The following MYH10 variants were observed in gnomAD, a reference collection of about 807,000 sequenced individuals.
The protein encoded by MYH10 is myosin heavy chain 10.
MYH10 carries 55 observed loss-of-function variants against 257.8 expected under a neutral mutation model. The observed-to-expected ratio is 0.21, with a 90% confidence interval of 0.17 to 0.27. MYH10 has a LOEUF of 0.27. Among genes scored for constraint, MYH10 ranks in the 10% least tolerant of loss-of-function variants. The probability of loss-of-function intolerance (pLI) is 1.00; values close to 1 mark genes in which losing one functional copy is unlikely to be tolerated. For missense variants in MYH10, 1,631 were observed against 2,500.6 expected, an observed-to-expected ratio of 0.65 and a Z score of 7.42; for synonymous variants, 854 against 921.7, an observed-to-expected ratio of 0.93 and a Z score of 1.33.
At position 8,535,566 on chromosome 17, in the gene MYH10, C is replaced by T. The variant is rs2082119446; in HGVS notation, c.1780-65G>A. On this transcript the variant is annotated intron_variant, in intron 15 of 42. Coordinates refer to ENST00000360416, the MANE Select transcript of MYH10 (RefSeq NM_001256012.3). The surrounding 1 kb of genome is among the most constrained non-coding windows in gnomAD (Gnocchi z 4.3). ...ACAAAACCAAATGCAAAAACAAAAACACTTTAAGCCTCAACCAGAAACTTT... is the reference window on the plus strand; with the variant it reads ...ACAAAACCAAATGCAAAAACAAAAATACTTTAAGCCTCAACCAGAAACTTT... The T allele has an allele frequency of 7.0e-7, 1 of 1,432,490 alleles. No homozygotes were observed. Among genetic ancestry groups the T allele is most frequent in the Non-Finnish European group, 9.6e-7 (1 of 1,037,584 alleles). The allele number at this position is 1,432,490 out of a possible 1,614,324, so 88.7% of individuals were successfully genotyped here.
chr17:8,478,494 G>C (rs1913085565), intron 40 of MYH10, 48 bp from the exon 41 acceptor site: 1 of 1,564,140 alleles, frequency 6.4e-7, no homozygotes, highest in African/African-American at 1.4e-5. Flanking sequence ...ATGGTATTTT[G>C]TGTGGGAAAA....
intron 37 of MYH10, 44 bp from the exon 38 acceptor site, chr17:8,481,454 C>CCTCACCTG: frequency 6.3e-7 from 1 of 1,578,150 alleles, no homozygotes; most frequent in South Asian, 1.1e-5. Flanking sequence ...TGAATAGTTT[C>CCTCACCTG]CTCACCTGTG....
intron 16 of MYH10, among the ~76,000 whole-genome samples, chr17:8,531,732 T>G (rs920490260): frequency 6.6e-6 from 1 of 152,120 alleles, no homozygotes; most frequent in South Asian, 2.1e-4. Flanking sequence ...ACTGTAGGTG[T>G]TGCACCTTCA....
intron 2 of MYH10, among the ~76,000 whole-genome samples, chr17:8,608,903 C>T (rs1250809800): frequency 2.0e-5 from 3 of 152,192 alleles, no homozygotes; most frequent in South Asian, 2.1e-4. Flanking sequence ...CTCCGCCTCC[C>T]GGGCTGACGC....
intron 3 of MYH10, among the ~76,000 whole-genome samples, chr17:8,590,357 G>C (rs2084077408): frequency 6.6e-6 from 1 of 151,922 alleles, no homozygotes; most frequent in South Asian, 2.1e-4. Flanking sequence ...CTGTTGCCCA[G>C]GCTGGAGTGC....
At chr17:8,613,181 C>T (rs1419508641) in intron 2 of MYH10, among the ~76,000 whole-genome samples, 1 of 151,452 alleles carries the variant, frequency 6.6e-6, no homozygotes, top group African/African-American at 2.4e-5. Context: ...GATGCAATGG[C>T]ATTTTCACAA....
intron 3 of MYH10, among the ~76,000 whole-genome samples, chr17:8,602,046 G>A (rs427835): frequency 0.96 from 144,471 of 150,644 alleles, 69,563 homozygotes; most frequent in East Asian, 1. Context: ...CACGATCTCG[G>A]CTCACTGCAA....
chr17:8,538,528 C>G (rs1204917702), intron 14 of MYH10, among the ~76,000 whole-genome samples: 4 of 152,134 alleles, frequency 2.6e-5, no homozygotes, highest in Admixed American at 6.5e-5. Flanking sequence ...ATTTTTTAAT[C>G]AGATATTTCT....
chr17:8,577,500 C>A (rs967317851), intron 4 of MYH10, among the ~76,000 whole-genome samples, 162 bp from the exon 5 acceptor site: 7 of 152,024 alleles, frequency 4.6e-5, no homozygotes, highest in Non-Finnish European at 7.4e-5. Context: ...AGAAAATCAT[C>A]CTTGTAAGAG....
At position 8,585,122 on chromosome 17, in the gene MYH10, C is replaced by T. The variant is rs184837799; in HGVS notation, c.530+3959G>A. The stretch of plus-strand genomic sequence containing the variant: ...CCTCCCAAAGTGCTGGGATTACAGG[C>T]GTGAGCCATCATGCCTGGCCTGTAT... On this transcript the variant is annotated intron_variant, in intron 4 of 42. Coordinates refer to ENST00000360416, the MANE Select transcript of MYH10 (RefSeq NM_001256012.3). 2.8e-4 allele frequency among the ~76,000 whole-genome samples: 43 copies of T among 151,574 alleles called. No homozygotes were observed. The East Asian group carries it at 7.0e-3, about 25-fold the overall frequency.
At chr17:8,487,689 G>A in intron 35 of MYH10, 95 bp from the exon 36 acceptor site, 2 of 1,430,216 alleles carry the variant, frequency 1.4e-6, no homozygotes. Flanking sequence ...GGTTACTCGG[G>A]TGAGTGGAAA....
Position 8,535,481 on chromosome 17 carries a change from C to T in MYH10, c.1800G>A (p.Glu600=). The change falls in exon 16 of 43, where the codon GAG becomes GAA. Residue 600 remains glutamate, a synonymous_variant. Coordinates refer to ENST00000360416, the MANE Select transcript of MYH10 (RefSeq NM_001256012.3). The surrounding 1 kb of genome is among the most constrained non-coding windows in gnomAD (Gnocchi z 4.3). ...YAGKVDYKAD[E]WLMKNMDPLN... is the part of the protein sequence containing the mutation. Reference sequence around the variant, plus strand: ...GGGGGTCCATATTCTTCATCAGCCACTCATCTGCCTTATAGTCCACCTATC... The same window carrying T: ...GGGGGTCCATATTCTTCATCAGCCATTCATCTGCCTTATAGTCCACCTATC... 1 of 1,613,848 alleles carries T rather than the reference C, an allele frequency of 6.2e-7. No homozygotes were observed. Among genetic ancestry groups the T allele is most frequent in the Non-Finnish European group, 8.5e-7 (1 of 1,179,842 alleles).
At chr17:8,483,224 A>G (rs1282080340) in intron 37 of MYH10, among the ~76,000 whole-genome samples, 1 of 152,204 alleles carries the variant, frequency 6.6e-6, no homozygotes, top group Non-Finnish European at 1.5e-5. Flanking sequence ...CCGATCTTAG[A>G]GGGGAATTTA....
intron 4 of MYH10, among the ~76,000 whole-genome samples, chr17:8,587,061 C>G (rs978185926): frequency 6.6e-6 from 1 of 152,182 alleles, no homozygotes; most frequent in African/African-American, 2.4e-5. Flanking sequence ...TGCCCTCTTG[C>G]TGCTGTTGAA....
Position 8,545,520 on chromosome 17 carries a change from A to G in MYH10, c.1359T>C (p.Ala453=). 6.2e-7 allele frequency: 1 copy of G among 1,614,178 alleles called. No homozygotes were observed. Among genetic ancestry groups the G allele is most frequent in the East Asian group, 2.2e-5 (1 of 44,888 alleles). The stretch of plus-strand genomic sequence containing the variant: ...CTCCCTGACGTTTGGTCCTATCCAG[A>G]GCTTTATTGATGCGATGAACGAGCC... ...FRWLVHRINK[A]LDRTKRQGAS... Residue 453 remains alanine (A), a synonymous_variant, in exon 13 of 43, where the codon GCT becomes GCC. Coordinates refer to ENST00000360416, the MANE Select transcript of MYH10 (RefSeq NM_001256012.3). This position sits in a 1 kb window ranked among gnomAD's most constrained non-coding sequence, Gnocchi z 4.7.
chr17:8,585,206 A>ATG (rs71159598), intron 4 of MYH10, among the ~76,000 whole-genome samples: 6 of 47,440 alleles, frequency 1.3e-4, no homozygotes, highest in African/African-American at 3.2e-4. Flanking sequence ...ATATATATAT[A>ATG]TGTGTGTGTG....
chr17:8,490,541 A>C lies in MYH10; in HGVS notation c.4683T>G (p.Leu1561=), dbSNP rs775022843. Residue 1561 remains leucine (L), a synonymous_variant, in exon 35 of 43, where the codon CTT becomes CTG. Coordinates refer to ENST00000360416, the MANE Select transcript of MYH10 (RefSeq NM_001256012.3). The surrounding 1 kb of genome is among the most constrained non-coding windows in gnomAD (Gnocchi z 4.1). ...GCTCTAGGGCCCGTTTGGATTTTTC[A>C]AGTTCGTGAACCTAAACCACCGAAG... The part of the protein sequence containing the change: ...KDDVGKNVHE[L]EKSKRALEQQ... 1 of 1,614,080 alleles carries C rather than the reference A, an allele frequency of 6.2e-7. No individual in the cohort carries two copies. The highest frequency in any genetic ancestry group is 1.1e-5 in the South Asian group (1 of 91,080).
intron 17 of MYH10, among the ~76,000 whole-genome samples, chr17:8,528,225 G>T (rs570123850): frequency 1.5e-3 from 224 of 152,258 alleles, no homozygotes; most frequent in Non-Finnish European, 2.0e-3. Context: ...ATACATAATT[G>T]TACCTCCAAC....
At position 8,480,185 on chromosome 17, in the gene MYH10, G is replaced by C. The variant is rs1913457805; in HGVS notation, c.5522C>G (p.Ser1841Cys). ...KLQELEGAVKSKFKATISALE... is the reference protein window; with the variant it reads ...KLQELEGAVKCKFKATISALE... ...GGCTGAGATGGTGGCCTTGAACTTA[G>C]ACTTGACAGCACCCTCGAGTTCCTG... Residue 1841 changes from serine to cysteine, a missense_variant, in exon 40 of 43, where the codon TCT becomes TGT. Ser to Cys is a moderately radical substitution (Grantham distance 112, BLOSUM62 -1). Around this residue, in one of 11 missense-constraint regions of MYH10, gnomAD observed 343 missense variants for 389.5 expected, o/e 0.88. Transcript: ENST00000360416. 1 of 1,614,164 alleles carries C rather than the reference G, an allele frequency of 6.2e-7. No homozygotes were observed. The highest frequency in any genetic ancestry group is 1.3e-5 in the African/African-American group (1 of 75,054).
Sources: allele counts gnomAD v4.1 joint callset (sites outside exome capture counted in the v4.1 genomes callset), GRCh38; gene constraint gnomAD v4.1.1; regional missense constraint gnomAD v4.1.1; non-coding constraint Gnocchi (gnomAD v3.1); transcripts MANE v1.5; gene names NCBI Gene and HGNC (gene_info 2026-07-23, HGNC 2026-07-21).